MDGA2: variants seen among roughly 807,000 people sequenced by gnomAD.
The protein encoded by MDGA2 is MAM domain containing glycosylphosphatidylinositol anchor 2.
In MDGA2, 40 loss-of-function variants were observed where a neutral mutation model predicts 117.8. That is an observed-to-expected ratio of 0.34 (90% CI 0.26 to 0.44). MDGA2 has a LOEUF of 0.44. Ranked by LOEUF, MDGA2 falls within the 20% of genes least tolerant of loss-of-function variation. The probability of loss-of-function intolerance (pLI) is 1.00; values close to 1 mark genes in which losing one functional copy is unlikely to be tolerated. For missense variants in MDGA2, 1,123 were observed against 1,250.6 expected (o/e 0.90, Z 1.54); for synonymous variants, 452 against 439.0 (o/e 1.03, Z -0.37).
chr14:47,648,295 T>G (rs2138263141), intron 1 of MDGA2, among the ~76,000 whole-genome samples: 1 of 152,276 alleles, frequency 6.6e-6, no homozygotes, highest in Admixed American at 6.5e-5. Flanking sequence ...TGGGATACTA[T>G]TAAAGAAGTA....
chr14:47,200,534 C>CTTTTTTTTTTTTTTT (rs10639284), intron 3 of MDGA2: 11 of 421,912 alleles, frequency 2.6e-5, no homozygotes, highest in Non-Finnish European at 3.9e-5. Flanking sequence ...TTTTTCTTTT[C>CTTTTTTTTTTTTTTT]TTTTTTTTTT....
rs1880641972 is a variant in MDGA2 at position 46,842,126 on chromosome 14, T to G, written c.2990-107A>C. 1.6e-5 allele frequency: 10 copies of G among 631,854 alleles called. No individual in the cohort carries two copies. In the East Asian group the frequency reaches 2.9e-4, roughly 19 times the overall value. The allele number at this position is 631,854 out of a possible 1,614,324, so 39.1% of individuals were successfully genotyped here. A position where few individuals can be genotyped will look rare whatever the true frequency, so the allele number is the denominator to read the frequency against. ...TAATAAAACAAGTATATGGAAAATA[T>G]TTCTGGAAAATATTTATTTTTATTT... is the stretch of plus-strand genomic sequence containing the variant. On this transcript the variant is annotated intron_variant, in intron 16 of 16. Transcript: ENST00000399232.
intron 7 of MDGA2, among the ~76,000 whole-genome samples, chr14:47,059,951 GAAGA>G (rs1196162866): frequency 1.3e-5 from 2 of 152,102 alleles, no homozygotes; most frequent in Non-Finnish European, 2.9e-5. Flanking sequence ...ACACTGAGGT[GAAGA>G]ATCAATGGAT....
At chr14:46,851,661 GAA>G (rs1286420601) in intron 15 of MDGA2, among the ~76,000 whole-genome samples, 3 of 151,924 alleles carry the variant, frequency 2.0e-5, no homozygotes, top group African/African-American at 7.2e-5. Context: ...AAATGCTAGT[GAA>G]AGAGACTCAA....
intron 3 of MDGA2, among the ~76,000 whole-genome samples, chr14:47,190,119 G>A (rs1885055286): frequency 6.6e-6 from 1 of 152,154 alleles, no homozygotes; most frequent in Non-Finnish European, 1.5e-5. Flanking sequence ...CACCCAAAAT[G>A]AGGCTAGAGT....
chr14:47,488,655 T>C (rs1190663234), intron 1 of MDGA2, among the ~76,000 whole-genome samples: 1 of 152,152 alleles, frequency 6.6e-6, no homozygotes, highest in African/African-American at 2.4e-5. Context: ...ACTGTCATTA[T>C]TGATTGTTTA....
chr14:46,900,783 C>T (rs185231844), intron 10 of MDGA2, among the ~76,000 whole-genome samples: 8 of 152,120 alleles, frequency 5.3e-5, no homozygotes, highest in East Asian at 3.9e-4. Context: ...CACAAAGCTA[C>T]GCACATGCAA....
chr14:47,114,838 T>C (rs1255178265), intron 5 of MDGA2, among the ~76,000 whole-genome samples: 1 of 151,658 alleles, frequency 6.6e-6, no homozygotes, highest in Non-Finnish European at 1.5e-5. Flanking sequence ...ATCTAGGCAA[T>C]ACCTTTTGGA....
At chr14:47,062,702 A>G (rs1889935173) in intron 6 of MDGA2, among the ~76,000 whole-genome samples, 1 of 152,044 alleles carries the variant, frequency 6.6e-6, no homozygotes, top group Non-Finnish European at 1.5e-5. Context: ...GAAGGCTGCT[A>G]ACAGCATTCT....
intron 2 of MDGA2, among the ~76,000 whole-genome samples, chr14:47,256,976 G>C (rs908460957): frequency 6.6e-6 from 1 of 151,874 alleles, no homozygotes; most frequent in African/African-American, 2.4e-5. Context: ...AGAGAAAAGA[G>C]GGGGGACAAG....
At chr14:46,967,894 C>T (rs1435980184) in intron 8 of MDGA2, among the ~76,000 whole-genome samples, 1 of 152,022 alleles carries the variant, frequency 6.6e-6, no homozygotes. Flanking sequence ...TAAATATAGT[C>T]CCTCCTCTTC....
At chr14:47,246,802 A>ACACACACAC (rs1887251763) in intron 2 of MDGA2, among the ~76,000 whole-genome samples, 1 of 141,760 alleles carries the variant, frequency 7.1e-6, no homozygotes, top group Non-Finnish European at 1.5e-5. Context: ...CAGGTAATGA[A>ACACACACAC]ACACACACAC....
chr14:47,074,148 A>G (rs2138855351), intron 6 of MDGA2, among the ~76,000 whole-genome samples: 1 of 41,914 alleles, frequency 2.4e-5, no homozygotes, highest in East Asian at 3.5e-3. Flanking sequence ...CAAAGCAACA[A>G]CAACTAATAT....
chr14:47,294,948 A>T (rs1384232853), intron 2 of MDGA2, among the ~76,000 whole-genome samples: 1 of 152,220 alleles, frequency 6.6e-6, no homozygotes, highest in African/African-American at 2.4e-5. Context: ...CATTTATACA[A>T]CAATCAAATG....
chr14:47,376,978 A>T (rs1412168452), intron 1 of MDGA2, among the ~76,000 whole-genome samples: 2 of 152,164 alleles, frequency 1.3e-5, no homozygotes, highest in Non-Finnish European at 2.9e-5. Flanking sequence ...AAAATAAAGA[A>T]CTTGTTAAAG....
At chr14:47,627,135 T>C (rs1247423178) in intron 1 of MDGA2, among the ~76,000 whole-genome samples, 2 of 151,944 alleles carry the variant, frequency 1.3e-5, no homozygotes, top group East Asian at 3.9e-4. Context: ...TAAGGGATTG[T>C]AAATACACCA....
chr14:46,928,048 GC>G (rs2138535434), intron 9 of MDGA2, among the ~76,000 whole-genome samples: 1 of 152,064 alleles, frequency 6.6e-6, no homozygotes, highest in African/African-American at 2.4e-5. Context: ...AGGTACAATT[GC>G]TTTGGTTACA....
chr14:47,044,746 A>G (rs139112487), intron 7 of MDGA2, among the ~76,000 whole-genome samples: 21 of 152,344 alleles, frequency 1.4e-4, no homozygotes, highest in African/African-American at 4.6e-4. Flanking sequence ...ACAGGAAGAA[A>G]GCCCACATTA....
chr14:47,097,200 G>C (rs939761969), intron 5 of MDGA2, 77 bp from the exon 6 acceptor site: 17 of 1,467,972 alleles, frequency 1.2e-5, no homozygotes, highest in Middle Eastern at 2.2e-4. Context: ...CATTATATTG[G>C]TTCATTCAAA....
Sources: allele counts gnomAD v4.1 joint callset (sites outside exome capture counted in the v4.1 genomes callset), GRCh38; gene constraint gnomAD v4.1.1; transcripts MANE v1.5; gene names NCBI Gene and HGNC (gene_info 2026-07-23, HGNC 2026-07-21).